The following RBFOX1 variants were observed in gnomAD, a reference collection of about 807,000 sequenced individuals.
RBFOX1 encodes the protein RNA binding protein fox-1 homolog 1.
In RBFOX1, 8 loss-of-function variants were observed where a neutral mutation model predicts 57.7. The observed-to-expected ratio is 0.14, with a 90% CI of 0.08 to 0.25. The LOEUF is 0.25. Among genes scored for constraint, RBFOX1 ranks in the 10% least tolerant of loss-of-function variants. The probability of loss-of-function intolerance (pLI) is 1.00; values close to 1 mark genes in which losing one functional copy is unlikely to be tolerated. For missense variants in RBFOX1, 611 were observed against 548.5 expected (o/e 1.11, Z -1.14); for synonymous variants, 326 against 222.4 (o/e 1.47, Z -4.15).
chr16:6,446,597 A>T (rs960615024), intron 2 of RBFOX1, among the ~76,000 whole-genome samples: 3 of 152,158 alleles, frequency 2.0e-5, no homozygotes, highest in Non-Finnish European at 4.4e-5. Context: ...AATTATGGCC[A>T]ATGACTTAAA....
intron 4 of RBFOX1, among the ~76,000 whole-genome samples, chr16:7,212,861 G>T (rs4384616): frequency 0.59 from 88,884 of 151,816 alleles, 26,425 homozygotes; most frequent in African/African-American, 0.67. Context: ...GAATAACTTA[G>T]GCTACAATGA....
chr16:5,541,214 G>A (rs1209758034), intron 2 of RBFOX1, among the ~76,000 whole-genome samples: 2 of 152,096 alleles, frequency 1.3e-5, no homozygotes, highest in Admixed American at 6.6e-5. Flanking sequence ...AGAAGCCCTG[G>A]AGTAGAGAAT....
chr16:6,624,496 G>A (rs1052911360), intron 2 of RBFOX1, among the ~76,000 whole-genome samples: 1 of 152,084 alleles, frequency 6.6e-6, no homozygotes, highest in African/African-American at 2.4e-5. Context: ...CTACCTAACA[G>A]AACATACCAG....
chr16:6,540,426 AC>A (rs376873234), intron 2 of RBFOX1, among the ~76,000 whole-genome samples: 14 of 152,068 alleles, frequency 9.2e-5, no homozygotes, highest in African/African-American at 3.4e-4. Context: ...ATCCTGGCCA[AC>A]ATGGTAAAAC....
intron 3 of RBFOX1, among the ~76,000 whole-genome samples, chr16:6,864,466 T>A (rs912902951): frequency 1.1e-4 from 17 of 151,732 alleles, no homozygotes; most frequent in Non-Finnish European, 2.5e-4. Context: ...CCCGAAAAAG[T>A]ATAAATGACA....
chr16:7,024,439 A>T (rs1270222483), intron 3 of RBFOX1, among the ~76,000 whole-genome samples: 2 of 152,182 alleles, frequency 1.3e-5, no homozygotes, highest in Non-Finnish European at 2.9e-5. Flanking sequence ...ATTAAAACAT[A>T]ATCTACCATG....
chr16:5,693,372 A>AG (rs1555502864), intron 3 of RBFOX1, among the ~76,000 whole-genome samples: 1 of 151,808 alleles, frequency 6.6e-6, no homozygotes, highest in Admixed American at 6.6e-5. Context: ...CAGATCAAAA[A>AG]AAAAACAAAA....
intron 1 of RBFOX1, among the ~76,000 whole-genome samples, chr16:5,393,027 G>C (rs903438162): frequency 6.6e-6 from 1 of 152,154 alleles, no homozygotes; most frequent in Non-Finnish European, 1.5e-5. Flanking sequence ...CCTTTGAGAA[G>C]AGGTGGCTAA....
chr16:7,528,246 A>G (rs530318402), intron 5 of RBFOX1, among the ~76,000 whole-genome samples: 1 of 152,262 alleles, frequency 6.6e-6, no homozygotes, highest in African/African-American at 2.4e-5. Flanking sequence ...TTTCATCGTG[A>G]CTTTGTCCTC....
At chr16:5,897,547 A>C (rs1200446547) in intron 4 of RBFOX1, among the ~76,000 whole-genome samples, 3 of 151,568 alleles carry the variant, frequency 2.0e-5, no homozygotes, top group African/African-American at 7.3e-5. Context: ...TATAGTGATG[A>C]CCCCCGGGGT....
At chr16:5,655,994 C>G (rs1413111585) in intron 3 of RBFOX1, among the ~76,000 whole-genome samples, 2 of 152,194 alleles carry the variant, frequency 1.3e-5, no homozygotes, top group African/African-American at 2.4e-5. Flanking sequence ...ATGTCAGCCA[C>G]TTTCACAGTG....
intron 4 of RBFOX1, chr16:7,304,322 G>T: frequency 1.0e-6 from 1 of 985,138 alleles, no homozygotes; most frequent in Non-Finnish European, 1.2e-6. Context: ...TAGCGCCCAG[G>T]CAGAGAGCAA....
chr16:6,525,800 G>A (rs1033250379), intron 2 of RBFOX1, among the ~76,000 whole-genome samples: 1 of 151,964 alleles, frequency 6.6e-6, no homozygotes, highest in Non-Finnish European at 1.5e-5. Context: ...CCATTCATGA[G>A]AGCTTTTCTC....
At chr16:6,505,072 C>CAATA (rs1244661354) in intron 2 of RBFOX1, among the ~76,000 whole-genome samples, 1 of 152,014 alleles carries the variant, frequency 6.6e-6, no homozygotes, top group Non-Finnish European at 1.5e-5. Context: ...CACTCCGTCT[C>CAATA]AATAAATAAA....
chr16:6,366,524 A>T (rs2089648203), intron 2 of RBFOX1, among the ~76,000 whole-genome samples: 1 of 152,198 alleles, frequency 6.6e-6, no homozygotes, highest in Admixed American at 6.5e-5. Flanking sequence ...GCTCAATATG[A>T]CACCACCTGA....
chr16:6,818,359 C>A (rs117251155), intron 3 of RBFOX1, among the ~76,000 whole-genome samples: 1 of 152,066 alleles, frequency 6.6e-6, no homozygotes, highest in Non-Finnish European at 1.5e-5. Flanking sequence ...CCTCACCCAT[C>A]CCACAAGTGG....
At chr16:6,220,040 ATCTG>A (rs1328779005) in intron 1 of RBFOX1, among the ~76,000 whole-genome samples, 8 of 152,042 alleles carry the variant, frequency 5.3e-5, no homozygotes, top group Non-Finnish European at 1.2e-4. Flanking sequence ...TTCATCTGTC[ATCTG>A]TCTGTTTCTA....
intron 1 of RBFOX1, among the ~76,000 whole-genome samples, chr16:6,278,620 C>A (rs141475096): frequency 4.6e-5 from 7 of 151,932 alleles, no homozygotes; most frequent in Non-Finnish European, 8.8e-5. Context: ...ACAAAGATTT[C>A]CTTTTCCTTC....
At chr16:6,806,834 A>ATT (rs1309354557) in intron 3 of RBFOX1, among the ~76,000 whole-genome samples, 6 of 74,180 alleles carry the variant, frequency 8.1e-5, no homozygotes, top group African/African-American at 1.9e-4. Context: ...ATATATATAT[A>ATT]TATTTTTTTT....
Sources: gnomAD v4.1 joint callset for allele counts (sites outside exome capture counted in the v4.1 genomes callset) on GRCh38, gnomAD v4.1.1 for gene constraint, MANE v1.5 for transcripts, NCBI Gene and HGNC (gene_info 2026-07-23, HGNC 2026-07-21) for gene names.